PARD3: variants seen among roughly 807,000 people sequenced by gnomAD.
PARD3 encodes the protein partitioning defective 3 homolog.
In PARD3, 75 loss-of-function variants were observed where a neutral mutation model predicts 155.4. That is an observed-to-expected ratio of 0.48 (90% CI 0.40 to 0.58). PARD3 has a LOEUF of 0.58. Among genes scored for constraint, PARD3 ranks in the 20% least tolerant of loss-of-function variants. The pLI is 0.00. For synonymous variants in PARD3, 576 were observed against 610.5 expected (o/e 0.94, Z 0.83); for missense variants, 1,642 against 1,721.7 (o/e 0.95, Z 0.82).
chr10:34,650,995 G>GAACGA (rs747529805), intron 2 of PARD3, among the ~76,000 whole-genome samples: 162 of 84,106 alleles, frequency 1.9e-3, no homozygotes, highest in Non-Finnish European at 2.9e-3. Context: ...TGGGCAACAA[G>GAACGA]AACGAAACTC....
At chr10:34,492,524 T>C (rs1439068497) in intron 3 of PARD3, among the ~76,000 whole-genome samples, 1 of 152,224 alleles carries the variant, frequency 6.6e-6, no homozygotes, top group Non-Finnish European at 1.5e-5. Context: ...ACAAAATAAA[T>C]ACTATATTCT....
chr10:34,785,182 T>C (rs1230016891), intron 1 of PARD3, among the ~76,000 whole-genome samples: 1 of 152,264 alleles, frequency 6.6e-6, no homozygotes, highest in Non-Finnish European at 1.5e-5. Flanking sequence ...TTTCTGTCTA[T>C]GCAAAGCTAT....
At chr10:34,171,950 CAAAAAAAAAAAAAAAAAA>C (rs71033303) in intron 22 of PARD3, among the ~76,000 whole-genome samples, 15 of 47,246 alleles carry the variant, frequency 3.2e-4, no homozygotes, top group Non-Finnish European at 3.8e-4. Context: ...GACTCCATCT[CAAAAAAAAAAAAAAAAAA>C]AAAAAAAAAA....
intron 22 of PARD3, among the ~76,000 whole-genome samples, chr10:34,165,174 T>C (rs1949469772): frequency 6.6e-6 from 1 of 152,192 alleles, no homozygotes; most frequent in South Asian, 2.1e-4. Flanking sequence ...GACTCATCCT[T>C]ATAAAACCCT....
chr10:34,149,648 A>T (rs1229773437), intron 22 of PARD3, among the ~76,000 whole-genome samples: 1 of 152,216 alleles, frequency 6.6e-6, no homozygotes, highest in East Asian at 1.9e-4. Context: ...CGTTTATCAA[A>T]GAATTGAGCA....
At chr10:34,208,620 G>A (rs1024241087) in intron 22 of PARD3, among the ~76,000 whole-genome samples, 17 of 152,210 alleles carry the variant, frequency 1.1e-4, no homozygotes, top group Non-Finnish European at 2.1e-4. Flanking sequence ...GGTAGGCAAA[G>A]ATGGCTACAG....
intron 2 of PARD3, among the ~76,000 whole-genome samples, chr10:34,689,020 G>A (rs2094000589): frequency 6.6e-6 from 1 of 152,144 alleles, no homozygotes; most frequent in East Asian, 1.9e-4. Flanking sequence ...CAGATGCCCA[G>A]GACCCTTCAC....
intron 1 of PARD3, among the ~76,000 whole-genome samples, chr10:34,780,386 A>G (rs781482323): frequency 6.6e-6 from 1 of 152,226 alleles, no homozygotes; most frequent in Non-Finnish European, 1.5e-5. Context: ...ATATAAAATA[A>G]CAATTTACAT....
chr10:34,249,528 G>T (rs980905045), intron 22 of PARD3, among the ~76,000 whole-genome samples: 6 of 152,120 alleles, frequency 3.9e-5, no homozygotes, highest in African/African-American at 1.4e-4. Flanking sequence ...CTCATTGCCA[G>T]CATCAGCCAG....
At chr10:34,793,281 G>A (rs1020338580) in intron 1 of PARD3, among the ~76,000 whole-genome samples, 16 of 152,176 alleles carry the variant, frequency 1.1e-4, no homozygotes, top group African/African-American at 3.9e-4. Flanking sequence ...CGAACACAAG[G>A]GAGCTGGAGG....
At chr10:34,243,210 G>C (rs1412323154) in intron 22 of PARD3, among the ~76,000 whole-genome samples, 4 of 152,090 alleles carry the variant, frequency 2.6e-5, no homozygotes, top group African/African-American at 9.7e-5. Flanking sequence ...TAATGTTACG[G>C]TGGTTCACGT....
chr10:34,723,714 T>A (rs569217640), intron 1 of PARD3, among the ~76,000 whole-genome samples: 8 of 152,348 alleles, frequency 5.3e-5, no homozygotes, highest in African/African-American at 1.9e-4. Context: ...AATCACTTCA[T>A]AAATCTGGCA....
chr10:34,349,217 C>T (rs1272599463), intron 14 of PARD3, among the ~76,000 whole-genome samples: 10 of 152,058 alleles, frequency 6.6e-5, no homozygotes, highest in African/African-American at 1.7e-4. Flanking sequence ...TTATTATTTC[C>T]GTTAGAAGCT....
intron 2 of PARD3, among the ~76,000 whole-genome samples, chr10:34,539,183 A>G (rs2083427967): frequency 6.6e-6 from 1 of 152,166 alleles, no homozygotes; most frequent in African/African-American, 2.4e-5. Context: ...ACAACTCAGT[A>G]TTCTAACATC....
At chr10:34,187,520 G>A (rs1409669196) in intron 22 of PARD3, among the ~76,000 whole-genome samples, 1 of 152,132 alleles carries the variant, frequency 6.6e-6, no homozygotes, top group Non-Finnish European at 1.5e-5. Context: ...TATTCATCAA[G>A]ACATTGTCTA....
chr10:34,537,295 C>T (rs367919479), intron 2 of PARD3, among the ~76,000 whole-genome samples: 2 of 152,178 alleles, frequency 1.3e-5, no homozygotes, highest in Non-Finnish European at 2.9e-5. Flanking sequence ...ACGTCTGGCC[C>T]GTATTCTAAC....
intron 1 of PARD3, among the ~76,000 whole-genome samples, chr10:34,725,105 TTGTGTGTGTG>T (rs71033342): frequency 0.014 from 1,898 of 135,862 alleles, 16 homozygotes; most frequent in African/African-American, 0.021. Flanking sequence ...AGTCAAAACT[TTGTGTGTGTG>T]TGTGTGTGTG....
intron 22 of PARD3, among the ~76,000 whole-genome samples, chr10:34,218,268 T>C (rs868102486): frequency 3.9e-5 from 6 of 152,132 alleles, no homozygotes; most frequent in Middle Eastern, 3.4e-3. Flanking sequence ...AGTATAGGAG[T>C]TGGAGGAGTT....
At chr10:34,339,478 AG>A (rs1836564106) in intron 16 of PARD3, among the ~76,000 whole-genome samples, 1 of 152,230 alleles carries the variant, frequency 6.6e-6, no homozygotes, top group African/African-American at 2.4e-5. Context: ...GATTTTTCAA[AG>A]AAATACAAAT....
Sources: gnomAD v4.1 joint callset for allele counts (sites outside exome capture counted in the v4.1 genomes callset) on GRCh38, gnomAD v4.1.1 for gene constraint, MANE v1.5 for transcripts, NCBI Gene and HGNC (gene_info 2026-07-23, HGNC 2026-07-21) for gene names.